CDH23: variants seen among roughly 807,000 people sequenced by gnomAD.
CDH23 encodes cadherin-23.
CDH23 carries 189 observed loss-of-function variants against 317.1 expected under a neutral mutation model. That is an observed-to-expected ratio of 0.60 (90% CI 0.53 to 0.67). The LOEUF is 0.67. CDH23 is among the 30% of genes least tolerant of loss of function. CDH23 has a pLI of 0.00. For synonymous variants in CDH23, 1,839 were observed against 1,876.8 expected, an observed-to-expected ratio of 0.98 and a Z score of 0.52; for missense variants, 4,401 against 4,592.4, an observed-to-expected ratio of 0.96 and a Z score of 1.20.
At chr10:71,598,615 A>C (rs991073684) in intron 9 of CDH23, among the ~76,000 whole-genome samples, 43 of 152,322 alleles carry the variant, frequency 2.8e-4, no homozygotes, top group African/African-American at 1.0e-3. Flanking sequence ...ATTGAGAAGG[A>C]CACCAGGCCA....
chr10:71,609,731 A>G (rs1012089668), intron 9 of CDH23, among the ~76,000 whole-genome samples: 1 of 152,200 alleles, frequency 6.6e-6, no homozygotes, highest in African/African-American at 2.4e-5. Flanking sequence ...CATAAACAGC[A>G]GCCTCGCCTG....
chr10:71,399,160 A>T (rs1171071613), intron 1 of CDH23, among the ~76,000 whole-genome samples: 1 of 152,236 alleles, frequency 6.6e-6, no homozygotes, highest in African/African-American at 2.4e-5. Context: ...GCTCATTTAA[A>T]ATGCACATTC....
rs7068045 is a variant in CDH23 at position 71,798,350 on chromosome 10, A to G, written c.6830-4A>G. Reference sequence around the variant, plus strand: ...CTCTCCCTCACTCCCTGCCTCCACCACAGCCAAGCTGACTGTCAACGTCCT... The same window carrying G: ...CTCTCCCTCACTCCCTGCCTCCACCGCAGCCAAGCTGACTGTCAACGTCCT... On this transcript the variant is annotated splice_region_variant and splice_polypyrimidine_tract_variant and intron_variant, in intron 49 of 69. Transcript: ENST00000224721. 9 of 1,611,782 alleles carry G rather than the reference A, an allele frequency of 5.6e-6. No individual in the cohort carries two copies. The African/African-American group carries it at 9.3e-5, about 17-fold the overall frequency.
At chr10:71,491,635 A>G (rs1216053525) in intron 3 of CDH23, among the ~76,000 whole-genome samples, 1 of 152,128 alleles carries the variant, frequency 6.6e-6, no homozygotes, top group Non-Finnish European at 1.5e-5. Context: ...TAATCCTCTG[A>G]GGTTGTTGAG....
intron 69 of CDH23, among the ~76,000 whole-genome samples, chr10:71,814,682 A>ACACT (rs1842062719): frequency 1.3e-4 from 1 of 7,448 alleles, no homozygotes; most frequent in Non-Finnish European, 3.4e-4. Context: ...AGAAGCCGAT[A>ACACT]CACACACACA....
chr10:71,502,841 G>A (rs995717933), intron 3 of CDH23, among the ~76,000 whole-genome samples: 2 of 152,168 alleles, frequency 1.3e-5, no homozygotes, highest in African/African-American at 4.8e-5. Context: ...TCACCCCTCC[G>A]TGTTTTGGTA....
intron 7 of CDH23, 134 bp downstream of exon 7, chr10:71,567,070 G>A (rs754352781): frequency 1.1e-6 from 1 of 877,132 alleles, no homozygotes; most frequent in Non-Finnish European, 1.7e-6. Flanking sequence ...AGTGGTGACA[G>A]TCATGATAGA....
At position 71,566,752 on chromosome 10, in the gene CDH23, T is replaced by C. The variant is rs1216526307; in HGVS notation, c.440T>C (p.Val147Ala). Reference protein sequence around the residue: ...YSVRIPENTPVGTPIFIVNAT... With the variant: ...YSVRIPENTPAGTPIFIVNAT... Reference sequence around the variant, plus strand: ...TGCTCTCATCCCCAGAATACACCAGTGGGGACGCCCATCTTCATCGTGAAT... The same window carrying C: ...TGCTCTCATCCCCAGAATACACCAGCGGGGACGCCCATCTTCATCGTGAAT... Residue 147 changes from valine (V) to alanine (A), a missense_variant, in exon 7 of 70, where the codon GTG becomes GCG. Around this residue, in one of 3 missense-constraint regions of CDH23, gnomAD observed 3,068 missense variants for 3,203.3 expected, o/e 0.96. Transcript: ENST00000224721. 1.2e-6 allele frequency: 2 copies of C among 1,604,262 alleles called. No individual in the cohort carries two copies. Among genetic ancestry groups the C allele is most frequent in the East Asian group, 2.2e-5 (1 of 44,700 alleles).
At chr10:71,801,906 A>G (rs989901586) in intron 53 of CDH23, among the ~76,000 whole-genome samples, 2 of 152,118 alleles carry the variant, frequency 1.3e-5, no homozygotes, top group African/African-American at 4.8e-5. Context: ...TTGTCAGTCA[A>G]CCTCTCTGAG....
At chr10:71,697,068 T>G (rs1044003697) in intron 22 of CDH23, among the ~76,000 whole-genome samples, 2 of 152,182 alleles carry the variant, frequency 1.3e-5, no homozygotes, top group Non-Finnish European at 2.9e-5. Context: ...TGAGGAAGGT[T>G]GCTCTGGGAA....
intron 69 of CDH23, 73 bp from the exon 70 acceptor site, chr10:71,814,879 G>C: frequency 6.8e-7 from 1 of 1,472,834 alleles, no homozygotes; most frequent in Non-Finnish European, 9.1e-7. Context: ...ATAGCCAGTG[G>C]GTCTCTGGGG....
chr10:71,608,537 C>T lies in CDH23; in HGVS notation c.833-6967C>T, dbSNP rs1860665549. ...GACTAGGCCCCAAGTATGCCGCTGCCTCTTACATACTGGTTGACCCTTTGG... is the reference window on the plus strand; with the variant it reads ...GACTAGGCCCCAAGTATGCCGCTGCTTCTTACATACTGGTTGACCCTTTGG... On this transcript the variant is annotated intron_variant, in intron 9 of 69. Transcript: ENST00000224721. 1.3e-5 allele frequency among the ~76,000 whole-genome samples: 2 copies of T among 152,238 alleles called. 1 individual carries two copies. The highest frequency in any genetic ancestry group is 4.1e-4 in the South Asian group (2 of 4,834).
intron 17 of CDH23, among the ~76,000 whole-genome samples, chr10:71,680,500 C>A (rs1235250233): frequency 6.6e-6 from 1 of 152,156 alleles, no homozygotes; most frequent in African/African-American, 2.4e-5. Flanking sequence ...GTAATCCCAG[C>A]ACTTTGGGAG....
intron 14 of CDH23, among the ~76,000 whole-genome samples, chr10:71,668,598 G>T (rs900734461): frequency 6.6e-6 from 1 of 152,208 alleles, no homozygotes; most frequent in East Asian, 1.9e-4. Context: ...CTATGGTGCT[G>T]GTCCTATAGG....
chr10:71,809,175 T>C (rs1198369284), intron 60 of CDH23, among the ~76,000 whole-genome samples: 1 of 125,940 alleles, frequency 7.9e-6, no homozygotes, highest in African/African-American at 2.9e-5. Context: ...TCCTTTTTTT[T>C]TTTTTTTTTT....
intron 9 of CDH23, among the ~76,000 whole-genome samples, chr10:71,581,219 G>A (rs1006648835): frequency 2.0e-5 from 3 of 152,250 alleles, no homozygotes; most frequent in African/African-American, 7.2e-5. Context: ...CCCGGTAGGG[G>A]CCTGCCCCAG....
intron 14 of CDH23, among the ~76,000 whole-genome samples, chr10:71,663,529 T>TCCTTGGACTTTTAA (rs1270144557): frequency 1.3e-5 from 2 of 152,254 alleles, no homozygotes; most frequent in Non-Finnish European, 2.9e-5. Flanking sequence ...GTCTACACCA[T>TCCTTGGACTTTTAA]CCTTGGACTT....
chr10:71,561,264 G>A (rs116560813), intron 6 of CDH23, among the ~76,000 whole-genome samples: 7 of 151,366 alleles, frequency 4.6e-5, no homozygotes, highest in East Asian at 1.9e-4. Context: ...TGTTCTCACC[G>A]CATTTTCCTC....
At chr10:71,791,569 C>G (rs531710735) in intron 47 of CDH23, among the ~76,000 whole-genome samples, 2 of 151,188 alleles carry the variant, frequency 1.3e-5, no homozygotes, top group East Asian at 3.9e-4. Flanking sequence ...CTTTCTTTTT[C>G]TTTTCTTTTC....
Sources: allele counts gnomAD v4.1 joint callset (sites outside exome capture counted in the v4.1 genomes callset), GRCh38; gene constraint gnomAD v4.1.1; regional missense constraint gnomAD v4.1.1; transcripts MANE v1.5; gene names NCBI Gene and HGNC (gene_info 2026-07-23, HGNC 2026-07-21).